Variants in KIAA1549L observed in about 807,000 individuals in gnomAD.
KIAA1549L encodes KIAA1549 like.
KIAA1549L carries 88 observed loss-of-function variants against 160.7 expected under a neutral mutation model. The observed-to-expected ratio is 0.55, with a 90% confidence interval of 0.46 to 0.65. The LOEUF (loss-of-function observed/expected upper bound fraction) is 0.65. Ranked by LOEUF, KIAA1549L falls within the 30% of genes least tolerant of loss-of-function variation. The pLI is 0.00. For missense variants in KIAA1549L, 2,258 were observed against 2,437.5 expected (o/e 0.93, Z 1.55); for synonymous variants, 950 against 976.7 (o/e 0.97, Z 0.51).
intron 1 of KIAA1549L, among the ~76,000 whole-genome samples, chr11:33,440,983 A>G (rs186530057): frequency 1.3e-5 from 2 of 152,066 alleles, no homozygotes; most frequent in East Asian, 3.9e-4. Flanking sequence ...GGTTTGTTAC[A>G]TATGTATACA....
At chr11:33,519,093 G>A (rs1160833104) in intron 1 of KIAA1549L, among the ~76,000 whole-genome samples, 1 of 152,068 alleles carries the variant, frequency 6.6e-6, no homozygotes. Context: ...TAAATAGACT[G>A]GATGTTTTGA....
intron 1 of KIAA1549L, chr11:33,403,068 T>C (rs1445677839): frequency 6.6e-6 from 1 of 152,172 alleles, no homozygotes; most frequent in African/African-American, 2.4e-5. Flanking sequence ...GGTTTCATCC[T>C]TAGTCATTTG....
intron 6 of KIAA1549L, among the ~76,000 whole-genome samples, chr11:33,553,069 A>G (rs1185631531): frequency 6.6e-6 from 1 of 152,176 alleles, no homozygotes; most frequent in Non-Finnish European, 1.5e-5. Context: ...TTAAAGGGTG[A>G]TGGGAAAGCG....
chr11:33,378,018 G>GCC (rs1849991934), intron 1 of KIAA1549L, among the ~76,000 whole-genome samples: 1 of 152,152 alleles, frequency 6.6e-6, no homozygotes, highest in East Asian at 1.9e-4. Flanking sequence ...AGGAATCTTT[G>GCC]GATGTGTGCC....
rs1850599851 is a variant in KIAA1549L at position 33,609,787 on chromosome 11, C to G, written c.5100C>G (p.His1700Gln). 1 of 1,612,514 alleles carries G rather than the reference C, an allele frequency of 6.2e-7. No homozygotes were observed. Among genetic ancestry groups the G allele is most frequent in the African/African-American group, 1.3e-5 (1 of 74,896 alleles). The change falls in exon 15 of 21, where the codon CAC becomes CAG. Residue 1700 changes from histidine to glutamine, a missense_variant. His to Gln is a conservative substitution (Grantham distance 24). This residue lies in a region of KIAA1549L where 1,359 missense variants were observed against 1,546.6 expected (regional missense o/e 0.88). Transcript: ENST00000658780. ...KALKQKSDIE[H>Q]YRNKLRLKAK... is the part of the protein sequence containing the mutation. ...TGAAGCAGAAGTCAGACATCGAGCA[C>G]TATCGGAACAAGCTGCGCCTCAAAG...
intron 1 of KIAA1549L, among the ~76,000 whole-genome samples, chr11:33,474,311 C>T (rs1437102389): frequency 1.3e-5 from 2 of 152,174 alleles, no homozygotes; most frequent in Admixed American, 6.5e-5. Context: ...CTTACTTTGC[C>T]CCACCTCCGT....
chr11:33,476,437 C>T (rs930383427), intron 1 of KIAA1549L, among the ~76,000 whole-genome samples: 31 of 152,244 alleles, frequency 2.0e-4, no homozygotes, highest in South Asian at 1.0e-3. Context: ...AGATGCTAGA[C>T]GCCCAGAATC....
At chr11:33,435,800 A>AGGTGTGTGTG (rs1851354718) in intron 1 of KIAA1549L, among the ~76,000 whole-genome samples, 1 of 12,884 alleles carries the variant, frequency 7.8e-5, no homozygotes, top group Non-Finnish European at 1.3e-4. Flanking sequence ...ATATATATAT[A>AGGTGTGTGTG]TATATATATA....
intron 1 of KIAA1549L, among the ~76,000 whole-genome samples, chr11:33,493,992 G>A (rs1479411551): frequency 6.6e-6 from 1 of 152,168 alleles, no homozygotes; most frequent in Non-Finnish European, 1.5e-5. Context: ...TTCTTTAAAA[G>A]CTTTAAAATC....
At chr11:33,490,722 G>T (rs1440649828) in intron 1 of KIAA1549L, among the ~76,000 whole-genome samples, 1 of 152,196 alleles carries the variant, frequency 6.6e-6, no homozygotes, top group Non-Finnish European at 1.5e-5. Flanking sequence ...TCCAGCTGCA[G>T]TTAGAAATGT....
chr11:33,542,794 A>G lies in KIAA1549L; in HGVS notation c.1231A>G (p.Thr411Ala). 6.2e-7 allele frequency: 1 copy of G among 1,613,862 alleles called. No individual in the cohort carries two copies. Among genetic ancestry groups the G allele is most frequent in the Non-Finnish European group, 8.5e-7 (1 of 1,179,840 alleles). ...TTTGCCAACTTTTAAGAATACAGAA[A>G]CAGCGACCCATGAGGCTGAGCCTCC... Reference protein sequence around the residue: ...VSLPTFKNTETATHEAEPPLF... With the variant: ...VSLPTFKNTEAATHEAEPPLF... Residue 411 changes from threonine to alanine, a missense_variant, in exon 2 of 21, where the codon ACA (threonine) becomes GCA (alanine). Physicochemically the swap from Thr to Ala is moderately conservative, Grantham distance 58 (BLOSUM62 0). Coordinates refer to ENST00000658780, the MANE Select transcript of KIAA1549L (RefSeq NM_012194.3).
intron 1 of KIAA1549L, among the ~76,000 whole-genome samples, chr11:33,404,611 AAG>A (rs2134074072): frequency 6.6e-6 from 1 of 152,322 alleles, no homozygotes; most frequent in Admixed American, 6.5e-5. Flanking sequence ...TAAAAAGAAA[AAG>A]AGATGAAGGT....
intron 7 of KIAA1549L, among the ~76,000 whole-genome samples, chr11:33,561,071 G>A (rs1390815140): frequency 6.6e-6 from 1 of 152,150 alleles, no homozygotes; most frequent in African/African-American, 2.4e-5. Flanking sequence ...AACTCCAGTA[G>A]GCCCCATACT....
chr11:33,537,749 ATAAT>A (rs1408427930), intron 1 of KIAA1549L, among the ~76,000 whole-genome samples: 2 of 152,214 alleles, frequency 1.3e-5, no homozygotes, highest in African/African-American at 2.4e-5. Flanking sequence ...GTTTACTGAC[ATAAT>A]TAATACCTGC....
At chr11:33,564,087 C>T (rs1473937319) in intron 8 of KIAA1549L, among the ~76,000 whole-genome samples, 1 of 152,184 alleles carries the variant, frequency 6.6e-6, no homozygotes, top group African/African-American at 2.4e-5. Flanking sequence ...TGGCTTCCAT[C>T]ACTGTGTTTA....
At chr11:33,556,542 A>G (rs1340617645) in intron 6 of KIAA1549L, among the ~76,000 whole-genome samples, 1 of 152,240 alleles carries the variant, frequency 6.6e-6, no homozygotes, top group Non-Finnish European at 1.5e-5. Flanking sequence ...ATTCTGATGC[A>G]TGCTACAACA....
chr11:33,614,110 C>T (rs770754525), intron 15 of KIAA1549L, among the ~76,000 whole-genome samples: 5 of 152,126 alleles, frequency 3.3e-5, no homozygotes, highest in Non-Finnish European at 4.4e-5. Flanking sequence ...CAGATGGAAA[C>T]TGATGGATAA....
chr11:33,577,811 T>C (rs1855503062), intron 10 of KIAA1549L, among the ~76,000 whole-genome samples: 1 of 152,060 alleles, frequency 6.6e-6, no homozygotes, highest in Non-Finnish European at 1.5e-5. Flanking sequence ...CAATCCCAGG[T>C]CCTTTGAAGC....
At chr11:33,521,358 C>A (rs991773516) in intron 1 of KIAA1549L, among the ~76,000 whole-genome samples, 4 of 152,214 alleles carry the variant, frequency 2.6e-5, no homozygotes, top group Non-Finnish European at 5.9e-5. Flanking sequence ...TACTTACCGA[C>A]TGTATGACTT....
Sources: gnomAD v4.1 joint callset for allele counts (sites outside exome capture counted in the v4.1 genomes callset) on GRCh38, gnomAD v4.1.1 for gene constraint, gnomAD v4.1.1 regional missense constraint, MANE v1.5 for transcripts, NCBI Gene and HGNC (gene_info 2026-07-23, HGNC 2026-07-21) for gene names.